Variants in ERO1B observed in about 807,000 individuals in gnomAD.
ERO1B encodes the protein endoplasmic reticulum oxidoreductase 1 beta, also known as ERO1-like protein beta.
Under a neutral mutation model 75.3 loss-of-function variants are expected in ERO1B, and 49 were observed. The observed-to-expected ratio is 0.65, with a 90% CI of 0.52 to 0.83. The LOEUF is 0.83. Among genes scored for constraint, ERO1B ranks in the 40% least tolerant of loss-of-function variants. ERO1B has a pLI of 0.00. For missense variants in ERO1B, 512 were observed against 560.1 expected (o/e 0.91, Z 0.87); for synonymous variants, 191 against 192.9 (o/e 0.99, Z 0.08).
intron 1 of ERO1B, among the ~76,000 whole-genome samples, chr1:236,277,533 A>G (rs1665737723): frequency 6.6e-6 from 1 of 152,190 alleles, no homozygotes; most frequent in African/African-American, 2.4e-5. Context: ...GCAAACAAGG[A>G]ATGAGACCTA....
intron 12 of ERO1B, among the ~76,000 whole-genome samples, chr1:236,225,855 A>C (rs1206904851): frequency 6.6e-6 from 1 of 152,150 alleles, no homozygotes; most frequent in Non-Finnish European, 1.5e-5. Context: ...GAATTGCTTG[A>C]ACCTGGGAGG....
chr1:236,244,997 T>C (rs980503145), intron 5 of ERO1B, among the ~76,000 whole-genome samples: 14 of 151,940 alleles, frequency 9.2e-5, no homozygotes, highest in Middle Eastern at 3.4e-3. Flanking sequence ...GTGATAAATA[T>C]ATACATATAT....
intron 1 of ERO1B, among the ~76,000 whole-genome samples, chr1:236,276,107 G>A (rs1453381353): frequency 6.6e-6 from 1 of 152,210 alleles, no homozygotes; most frequent in African/African-American, 2.4e-5. Flanking sequence ...AGAACAACAG[G>A]CAGGCCAATT....
At position 236,216,248 on chromosome 1, in the gene ERO1B, A is replaced by G. The variant is rs964525071; in HGVS notation, c.*2268T>C. 2.0e-5 allele frequency: 3 copies of G among 152,168 alleles called. No homozygotes were observed. The highest frequency in any genetic ancestry group is 4.8e-5 in the African/African-American group (2 of 41,466). The allele number at this position is 152,168 out of a possible 1,614,324, so 9.4% of individuals were successfully genotyped here. On this transcript the variant is annotated 3_prime_UTR_variant, in exon 16 of 16. Coordinates refer to ENST00000354619, the MANE Select transcript of ERO1B (RefSeq NM_019891.4). ...CTGGGTTTTTAAATTAGGTGATGAG[A>G]TAAAGACAAAATGCCAGAGCACCAG...
intron 13 of ERO1B, among the ~76,000 whole-genome samples, chr1:236,223,404 T>C (rs1664203653): frequency 6.6e-6 from 1 of 152,144 alleles, no homozygotes; most frequent in African/African-American, 2.4e-5. Context: ...AAATATTTTA[T>C]TGCATGAAGC....
chr1:236,253,539 T>G, intron 2 of ERO1B, 34 bp from the exon 3 acceptor site: 4 of 1,411,066 alleles, frequency 2.8e-6, no homozygotes, highest in Non-Finnish European at 4.0e-6. Flanking sequence ...TAAACTCATA[T>G]TATAGTTATG....
chr1:236,261,196 A>G lies in ERO1B; in HGVS notation c.223-7691T>C, dbSNP rs372394902. 1.4e-3 allele frequency among the ~76,000 whole-genome samples: 213 copies of G among 152,344 alleles called. 1 individual carries two copies. The highest frequency in any genetic ancestry group is 4.6e-3 in the African/African-American group (192 of 41,582). ...TAAAGGTCATATACCCACAGCTAAC[A>G]TCATACTCAGTGGTGAAAACTGAAA... On this transcript the variant is annotated intron_variant, in intron 2 of 15. Coordinates refer to ENST00000354619, the MANE Select transcript of ERO1B (RefSeq NM_019891.4).
chr1:236,272,031 A>G (rs1281315185), intron 1 of ERO1B, among the ~76,000 whole-genome samples: 2 of 152,200 alleles, frequency 1.3e-5, no homozygotes, highest in Admixed American at 6.5e-5. Context: ...TGCCAGTATC[A>G]TATTAAAAAG....
intron 2 of ERO1B, among the ~76,000 whole-genome samples, chr1:236,262,778 A>T (rs774369372): frequency 1.3e-5 from 2 of 152,182 alleles, no homozygotes; most frequent in Non-Finnish European, 2.9e-5. Flanking sequence ...CAACGAGTGG[A>T]CTGTGGTAGA....
At chr1:236,260,799 T>G (rs539896455) in intron 2 of ERO1B, among the ~76,000 whole-genome samples, 50 of 152,034 alleles carry the variant, frequency 3.3e-4, no homozygotes, top group Non-Finnish European at 5.6e-4. Flanking sequence ...CCAAACTCAT[T>G]TTAGAAAGCC....
chr1:236,238,490 A>G (rs959899545), intron 6 of ERO1B, among the ~76,000 whole-genome samples: 5 of 147,644 alleles, frequency 3.4e-5, no homozygotes, highest in South Asian at 4.3e-4. Context: ...GTGAACTATG[A>G]TGGCACCACT....
intron 1 of ERO1B, among the ~76,000 whole-genome samples, chr1:236,275,812 T>G (rs964684958): frequency 6.6e-6 from 1 of 152,208 alleles, no homozygotes; most frequent in Non-Finnish European, 1.5e-5. Context: ...AAGGGCTCTA[T>G]GTCAGCAATC....
In ERO1B at chr1:236,225,142, G is replaced by GC. The variant is rs1558505638; in HGVS notation, c.1053-4_1053-3insG. 1 of 1,613,610 alleles carries GC rather than the reference G, an allele frequency of 6.2e-7. No individual in the cohort carries two copies. Among genetic ancestry groups the GC allele is most frequent in the African/African-American group, 1.3e-5 (1 of 75,034 alleles). Reference sequence around the variant, plus strand: ...CATCAAAGTGCATGGGAAAGGACCTGATAAAATGATAGTATTGGATTAAGT... The same window carrying GC: ...CATCAAAGTGCATGGGAAAGGACCTGCATAAAATGATAGTATTGGATTAAGT... On this transcript the variant is annotated splice_polypyrimidine_tract_variant and splice_region_variant and intron_variant, in intron 12 of 15. Coordinates refer to ENST00000354619, the MANE Select transcript of ERO1B (RefSeq NM_019891.4).
chr1:236,221,194 A>G (rs1027005456), intron 14 of ERO1B, among the ~76,000 whole-genome samples: 7 of 152,172 alleles, frequency 4.6e-5, no homozygotes, highest in African/African-American at 1.4e-4. Context: ...AATACATATC[A>G]TACTATTCCA....
intron 2 of ERO1B, among the ~76,000 whole-genome samples, chr1:236,265,795 C>T (rs1028821866): frequency 5.9e-5 from 9 of 152,184 alleles, no homozygotes; most frequent in Non-Finnish European, 1.3e-4. Flanking sequence ...TCTGCCTATT[C>T]AACACACCAA....
chr1:236,238,642 G>A (rs1179318305), intron 6 of ERO1B, among the ~76,000 whole-genome samples: 3 of 149,740 alleles, frequency 2.0e-5, no homozygotes, highest in Admixed American at 1.3e-4. Flanking sequence ...AGCTGCTCTT[G>A]AATAAATTCA....
In ERO1B at chr1:236,269,986, T is replaced by C; in HGVS notation, c.111A>G (p.Gly37=). The change falls in exon 2 of 16, where the codon GGA becomes GGG. Residue 37 remains glycine, a synonymous_variant. Coordinates refer to ENST00000354619, the MANE Select transcript of ERO1B (RefSeq NM_019891.4). ...TATCACACAAGCAATCATCCAGAAC[T>C]CCAGTGACCTAGAATTTATATAATT... The part of the protein sequence containing the change: ...LRSVVEAQVT[G]VLDDCLCDID... 1 of 1,590,574 alleles carries C rather than the reference T, an allele frequency of 6.3e-7. No homozygotes were observed. The highest frequency in any genetic ancestry group is 8.6e-7 in the Non-Finnish European group (1 of 1,163,734).
chr1:236,240,489 TAC>T (rs1349482785), intron 6 of ERO1B, among the ~76,000 whole-genome samples: 2 of 152,258 alleles, frequency 1.3e-5, no homozygotes, highest in Non-Finnish European at 2.9e-5. Flanking sequence ...AAACATGATT[TAC>T]AGTCAAGGAG....
chr1:236,245,554 GTATA>G (rs752542798), intron 5 of ERO1B, among the ~76,000 whole-genome samples: 13 of 858 alleles, frequency 0.015, 3 homozygotes, highest in African/African-American at 0.016. Context: ...GTATGTGTGT[GTATA>G]TATATATATA....
Sources: allele counts gnomAD v4.1 joint callset (sites outside exome capture counted in the v4.1 genomes callset), GRCh38; gene constraint gnomAD v4.1.1; transcripts MANE v1.5; gene names NCBI Gene and HGNC (gene_info 2026-07-23, HGNC 2026-07-21).